MELK: variants seen among roughly 807,000 people sequenced by gnomAD.
MELK encodes the protein pEg3 kinase.
MELK carries 81 observed loss-of-function variants against 85.0 expected under a neutral mutation model. That is an observed-to-expected ratio of 0.95 (90% confidence interval 0.80 to 1.15). The LOEUF (loss-of-function observed/expected upper bound fraction) is 1.15. MELK is among the 50% of genes most tolerant of loss of function. The pLI is 0.00. For missense variants in MELK, 754 were observed against 777.5 expected (o/e 0.97, Z 0.36); for synonymous variants, 252 against 265.0 (o/e 0.95, Z 0.48).
At chr9:36,576,693 G>A (rs1237284445) in intron 1 of MELK, among the ~76,000 whole-genome samples, 3 of 151,972 alleles carry the variant, frequency 2.0e-5, no homozygotes, top group South Asian at 2.1e-4. Context: ...CACCACGCCC[G>A]GCTAATTTTT....
Position 36,617,775 on chromosome 9 carries a change from ACAT to A in MELK, c.666+10106_666+10108del, listed in dbSNP as rs1826990535. On this transcript the variant is annotated intron_variant, in intron 8 of 17. Transcript: ENST00000298048. ...CTTTAGTATGTTTTCTTGACTTTAA[ACAT>A]CATAAAAAAAACTGTAGAGATTTGC... Among the ~76,000 whole-genome samples the A allele has an allele frequency of 7.2e-5, 11 of 152,126 alleles. No individual in the cohort carries two copies. In the South Asian group the frequency reaches 2.3e-3, roughly 31 times the overall value.
intron 4 of MELK, among the ~76,000 whole-genome samples, chr9:36,592,708 CT>C (rs1043251280): frequency 2.0e-5 from 3 of 152,036 alleles, no homozygotes; most frequent in African/African-American, 7.2e-5. Context: ...ATTTTTATTT[CT>C]CTTTATTTTG....
chr9:36,670,923 C>T (rs1376061934), intron 15 of MELK, 75 bp from the exon 16 acceptor site: 1 of 1,463,466 alleles, frequency 6.8e-7, no homozygotes, highest in East Asian at 2.4e-5. Flanking sequence ...TATGAAGGGA[C>T]AAAAGTTCAC....
At chr9:36,645,861 G>C (rs1259405459) in intron 11 of MELK, among the ~76,000 whole-genome samples, 1 of 152,164 alleles carries the variant, frequency 6.6e-6, no homozygotes, top group African/African-American at 2.4e-5. Flanking sequence ...GTGCTTTTTA[G>C]CCGCGAAGAC....
chr9:36,663,894 T>G (rs1015653568), intron 13 of MELK, among the ~76,000 whole-genome samples: 3 of 152,210 alleles, frequency 2.0e-5, no homozygotes, highest in Admixed American at 2.0e-4. Flanking sequence ...TCTTTTCCTT[T>G]GGGAAAAGAA....
chr9:36,629,957 G>T (rs1828363416), intron 8 of MELK: 1 of 160,438 alleles, frequency 6.2e-6, no homozygotes, highest in African/African-American at 2.5e-5. Flanking sequence ...TGATTCTCCT[G>T]CCTCAGCCTC....
At chr9:36,638,065 T>C (rs1295976894) in intron 10 of MELK, among the ~76,000 whole-genome samples, 2 of 152,166 alleles carry the variant, frequency 1.3e-5, no homozygotes, top group Non-Finnish European at 2.9e-5. Flanking sequence ...TGTTCAGCCA[T>C]TGGGGGTCAT....
chr9:36,645,306 A>G (rs1301826557), intron 11 of MELK, among the ~76,000 whole-genome samples: 6 of 151,858 alleles, frequency 4.0e-5, no homozygotes, highest in African/African-American at 7.3e-5. Context: ...ATAATCATTG[A>G]AAAAGTCTTT....
chr9:36,596,504 G>A (rs546517231), intron 5 of MELK, among the ~76,000 whole-genome samples: 9 of 151,636 alleles, frequency 5.9e-5, no homozygotes, highest in East Asian at 1.9e-4. Flanking sequence ...TGATCCACCC[G>A]CCTAGGCCTC....
chr9:36,588,294 TCCTGA>T (rs1440915662), intron 3 of MELK, among the ~76,000 whole-genome samples: 1 of 149,830 alleles, frequency 6.7e-6, no homozygotes, highest in Non-Finnish European at 1.5e-5. Flanking sequence ...GGTCCTGAAC[TCCTGA>T]CCTCAGTTGA....
chr9:36,655,419 G>T (rs1831141462), intron 12 of MELK, among the ~76,000 whole-genome samples: 1 of 150,990 alleles, frequency 6.6e-6, no homozygotes, highest in Non-Finnish European at 1.5e-5. Flanking sequence ...GACAGTGGCT[G>T]GACTTGTGTT....
chr9:36,605,974 T>G (rs1211567503), intron 7 of MELK, among the ~76,000 whole-genome samples: 2 of 151,332 alleles, frequency 1.3e-5, no homozygotes, highest in Non-Finnish European at 2.9e-5. Context: ...AAAAAAAATT[T>G]CCTAAGGCTC....
chr9:36,629,310 G>T (rs1587492133), intron 8 of MELK, among the ~76,000 whole-genome samples: 1 of 152,254 alleles, frequency 6.6e-6, no homozygotes, highest in East Asian at 1.9e-4. Context: ...CTGTTGTATT[G>T]CTTCCTCTGA....
At chr9:36,647,957 A>G (rs972925572) in intron 11 of MELK, among the ~76,000 whole-genome samples, 3 of 152,124 alleles carry the variant, frequency 2.0e-5, no homozygotes, top group African/African-American at 7.2e-5. Flanking sequence ...TAACTAATAA[A>G]ATTCATTACT....
chr9:36,649,353 G>A (rs1262448522), intron 11 of MELK, among the ~76,000 whole-genome samples: 3 of 152,114 alleles, frequency 2.0e-5, no homozygotes, highest in African/African-American at 7.2e-5. Flanking sequence ...CGGGTGTGGT[G>A]GCGGGCGCCT....
At chr9:36,581,560 A>G in intron 1 of MELK, 84 bp from the exon 2 acceptor site, 1 of 729,938 alleles carries the variant, frequency 1.4e-6, no homozygotes, top group Non-Finnish European at 2.4e-6. Context: ...AATGCATAAG[A>G]CTTATTTAGA....
In MELK at chr9:36,630,435, G is replaced by A. The variant is rs540536317; in HGVS notation, c.735+68G>A. ...TGGTTCAACTTTTAAGATATCTGTG[G>A]TGCTACATCATTTCCTATTAGCTTG... is the stretch of plus-strand genomic sequence containing the variant. On this transcript the variant is annotated intron_variant, in intron 9 of 17. Coordinates refer to ENST00000298048, the MANE Select transcript of MELK (RefSeq NM_014791.4). 205 of 1,238,402 alleles carry A rather than the reference G, an allele frequency of 1.7e-4. 1 individual carries two copies. In the South Asian group the frequency reaches 2.4e-3, roughly 14 times the overall value. 76.7% of individuals were successfully genotyped at this position (1,238,402 alleles called of 1,614,324 possible). A position where few individuals can be genotyped will look rare whatever the true frequency, so the allele number is the denominator to read the frequency against.
At chr9:36,607,923 C>G (rs1457048178) in intron 8 of MELK, among the ~76,000 whole-genome samples, 2 of 152,082 alleles carry the variant, frequency 1.3e-5, no homozygotes, top group East Asian at 3.9e-4. Context: ...CTTAGTTGCC[C>G]ATGGTCAACT....
intron 4 of MELK, among the ~76,000 whole-genome samples, chr9:36,592,335 C>T (rs537874044): frequency 6.6e-5 from 10 of 152,054 alleles, no homozygotes; most frequent in East Asian, 1.9e-4. Flanking sequence ...CCATCACCCC[C>T]GGTTAATTTT....
Sources: gnomAD v4.1 joint callset for allele counts (sites outside exome capture counted in the v4.1 genomes callset) on GRCh38, gnomAD v4.1.1 for gene constraint, MANE v1.5 for transcripts, NCBI Gene and HGNC (gene_info 2026-07-23, HGNC 2026-07-21) for gene names.